Variants in CEBPZOS observed in about 807,000 individuals in gnomAD.
CEBPZOS encodes the protein protein CEBPZOS.
In CEBPZOS, 10 loss-of-function variants were observed where a neutral mutation model predicts 4.8. That is an observed-to-expected ratio of 2.07 (90% CI 1.28 to 3.52). The LOEUF (loss-of-function observed/expected upper bound fraction) is 3.52, where lower values mean the gene tolerates loss of function less well. CEBPZOS is among the 30% of genes most tolerant of loss of function. The pLI is 0.00. For synonymous variants in CEBPZOS, 25 were observed against 14.2 expected (o/e 1.77, Z -1.72); for missense variants, 98 against 43.6 (o/e 2.25, Z -3.51).
intron 4 of CEBPZOS, chr2:37,211,184 T>C (rs539364568): frequency 2.9e-6 from 2 of 688,626 alleles, no homozygotes; most frequent in South Asian, 3.9e-5. Flanking sequence ...GGTAAGGCAC[T>C]ATACTGCTAT....
At chr2:37,210,167 C>T (rs1677675508) in intron 4 of CEBPZOS, 1 of 152,144 alleles carries the variant, frequency 6.6e-6, no homozygotes, top group African/African-American at 2.4e-5. Flanking sequence ...AACACTTCTA[C>T]ATTGCTGGTG....
downstream of CEBPZOS, among the ~76,000 whole-genome samples, chr2:37,208,163 C>T (rs2160391): frequency 0.72 from 109,326 of 152,046 alleles, 39,932 homozygotes; most frequent in East Asian, 0.97. Context: ...AATAAAAAAA[C>T]TGCCAACAAA....
chr2:37,208,582 AAATC>A (rs1330079246), downstream of CEBPZOS, among the ~76,000 whole-genome samples: 1 of 152,184 alleles, frequency 6.6e-6, no homozygotes, highest in Non-Finnish European at 1.5e-5. Context: ...GCATTTGACA[AAATC>A]AAGCATCCTT....
At chr2:37,213,578 A>AT (rs1438988884) in exon 5 of CEBPZOS, 3 of 243,894 alleles carry the variant, frequency 1.2e-5, no homozygotes, top group Admixed American at 1.1e-4. Flanking sequence ...TGCCCAGCTC[A>AT]TTTTTTGGGG....
rs1225406821 is a variant in CEBPZOS, at chr2:37,203,579, G to C, written c.*1719G>C. The stretch of plus-strand genomic sequence containing the variant: ...GTAGTAGAGCCATATTTTAAAAAGA[G>C]CTTTACTAAATACAGATCATAACAT... On this transcript the variant is annotated 3_prime_UTR_variant, in exon 5 of 5. Transcript: ENST00000402297. 6.6e-6 allele frequency: 1 copy of C among 152,162 alleles called. No individual in the cohort carries two copies. The highest frequency in any genetic ancestry group is 1.5e-5 in the Non-Finnish European group (1 of 68,042). The allele number at this position is 152,162 out of a possible 1,614,324, so 9.4% of individuals were successfully genotyped here.
At chr2:37,196,925 A>G (rs1313470063) in intron 1 of CEBPZOS, among the ~76,000 whole-genome samples, 1 of 152,190 alleles carries the variant, frequency 6.6e-6, no homozygotes, top group Non-Finnish European at 1.5e-5. Flanking sequence ...CTAGGCTGGG[A>G]GAGACGTTGC....
rs560768813 is a variant in CEBPZOS, at chr2:37,201,033, C to T, written c.116-15C>T. On this transcript the variant is annotated splice_polypyrimidine_tract_variant and intron_variant, in intron 2 of 4. Transcript: ENST00000402297. ...CTGTTCATATCTAATTTCAAGACATCCTTTTTTCCATCAGATTTCAGGCAA... is the reference window on the plus strand; with the variant it reads ...CTGTTCATATCTAATTTCAAGACATTCTTTTTTCCATCAGATTTCAGGCAA... 75 of 715,088 alleles carry T rather than the reference C, an allele frequency of 1.0e-4. No homozygotes were observed. Among genetic ancestry groups the T allele is most frequent in the Admixed American group, 4.4e-4 (22 of 49,576 alleles). 44.3% of individuals were successfully genotyped at this position (715,088 alleles called of 1,614,324 possible).
chr2:37,200,060 C>G lies in CEBPZOS; in HGVS notation c.115+241C>G, dbSNP rs577269020. Among the ~76,000 whole-genome samples the G allele has an allele frequency of 4.6e-5, 7 of 152,260 alleles. No homozygotes were observed. The South Asian group carries it at 1.4e-3, about 32-fold the overall frequency. On this transcript the variant is annotated intron_variant, in intron 2 of 4. Transcript: ENST00000402297. ...AAATTTCATACCTCCATGGATTTTACTATTGTGGAGGATATAGCAAGTGTC... is the reference window on the plus strand; with the variant it reads ...AAATTTCATACCTCCATGGATTTTAGTATTGTGGAGGATATAGCAAGTGTC...
At chr2:37,214,910 G>C (rs888660493), downstream of CEBPZOS, 1 of 1,610,194 alleles carries the variant, frequency 6.2e-7, no homozygotes, top group East Asian at 2.2e-5. Flanking sequence ...TTCATCCACT[G>C]GTATTTGGCT....
At chr2:37,200,435 G>A (rs1373727225) in intron 2 of CEBPZOS, among the ~76,000 whole-genome samples, 1 of 152,106 alleles carries the variant, frequency 6.6e-6, no homozygotes, top group Non-Finnish European at 1.5e-5. Flanking sequence ...GTACCAAGAT[G>A]CTACTGGATA....
intron 1 of CEBPZOS, among the ~76,000 whole-genome samples, chr2:37,199,202 A>G (rs1438800549): frequency 6.6e-6 from 1 of 152,028 alleles, no homozygotes; most frequent in Non-Finnish European, 1.5e-5. Flanking sequence ...GGATATCTAT[A>G]CTATCTATAA....
In CEBPZOS at chr2:37,204,735, T is replaced by C. The variant is rs1677471820; in HGVS notation, c.*2875T>C. The C allele has an allele frequency of 6.6e-6, 1 of 152,218 alleles. No individual in the cohort carries two copies. 9.4% of individuals were successfully genotyped at this position (152,218 alleles called of 1,614,324 possible). Reference sequence around the variant, plus strand: ...AATCTGAATCAATTAATAAATCTGTTTAAAATTCCTTGCCTCTTTTTGTTT... The same window carrying C: ...AATCTGAATCAATTAATAAATCTGTCTAAAATTCCTTGCCTCTTTTTGTTT... On this transcript the variant is annotated 3_prime_UTR_variant, in exon 5 of 5. Transcript: ENST00000402297.
At chr2:37,212,397 CAGACA>C (rs1326311364) in intron 4 of CEBPZOS, 1 of 1,610,390 alleles carries the variant, frequency 6.2e-7, no homozygotes, top group East Asian at 2.2e-5. Flanking sequence ...ATGTGTCTGC[CAGACA>C]ATACAGAAAT....
Position 37,201,721 on chromosome 2 carries a change from T to C in CEBPZOS, c.240T>C (p.Asn80=). The change falls in exon 4 of 5, where the codon AAT becomes AAC. Residue 80 remains asparagine, a synonymous_variant. Coordinates refer to ENST00000402297, the MANE Select transcript of CEBPZOS (RefSeq NM_001322374.2). ...LDQKTWLNSK[N] is the part of the protein sequence containing the mutation. ...AAAAAACATGGTTGAACAGCAAAAATTAGATGTAAGTAGAATTTTAATCTA... is the reference window on the plus strand; with the variant it reads ...AAAAAACATGGTTGAACAGCAAAAACTAGATGTAAGTAGAATTTTAATCTA... 8.5e-7 allele frequency: 1 copy of C among 1,170,214 alleles called. No individual in the cohort carries two copies. Among genetic ancestry groups the C allele is most frequent in the Non-Finnish European group, 1.3e-6 (1 of 797,222 alleles). The allele number at this position is 1,170,214 out of a possible 1,614,324, so 72.5% of individuals were successfully genotyped here. A position where few individuals can be genotyped will look rare whatever the true frequency, so the allele number is the denominator to read the frequency against.
intron 3 of CEBPZOS, 33 bp from the exon 4 acceptor site, chr2:37,201,609 G>T: frequency 1.5e-6 from 1 of 682,916 alleles, no homozygotes; most frequent in South Asian, 1.7e-5. Flanking sequence ...GCTTCCACAT[G>T]ACTTTATAAA....
rs2148310205 is a variant in CEBPZOS at position 37,196,513 on chromosome 2, C to A, written c.-9C>A. 6.6e-6 allele frequency: 1 copy of A among 152,358 alleles called. No homozygotes were observed. The highest frequency in any genetic ancestry group is 1.5e-5 in the Non-Finnish European group (1 of 68,046). The allele number at this position is 152,358 out of a possible 1,614,324, so 9.4% of individuals were successfully genotyped here. ...GCGCATGCGCAGTCCCCCTTGAACG[C>A]ACCTCAGGTAAGACTCTGGCGAGTG... On this transcript the variant is annotated 5_prime_UTR_variant, in exon 1 of 5. Coordinates refer to ENST00000402297, the MANE Select transcript of CEBPZOS (RefSeq NM_001322374.2).
rs1191364612 is a variant in CEBPZOS, at chr2:37,203,105, G to A, written c.*1245G>A. ...ATTTTATTTTAAAAATTATACTTGG[G>A]TAAAAACAATTGCAATAATCTTCTG... On this transcript the variant is annotated 3_prime_UTR_variant, in exon 5 of 5. Coordinates refer to ENST00000402297, the MANE Select transcript of CEBPZOS (RefSeq NM_001322374.2). 14 of 791,692 alleles carry A rather than the reference G, an allele frequency of 1.8e-5. No homozygotes were observed. The highest frequency in any genetic ancestry group is 2.3e-5 in the South Asian group (1 of 42,708). 49.0% of individuals were successfully genotyped at this position (791,692 alleles called of 1,614,324 possible).
chr2:37,205,620 A>G (rs547246328), downstream of CEBPZOS, among the ~76,000 whole-genome samples: 3 of 152,306 alleles, frequency 2.0e-5, no homozygotes, highest in South Asian at 2.1e-4. Flanking sequence ...TGGTCTCTTC[A>G]TACAGACGCG....
downstream of CEBPZOS, chr2:37,215,968 A>AT: frequency 2.4e-6 from 1 of 419,594 alleles, no homozygotes; most frequent in East Asian, 3.8e-5. Context: ...AAAAAAAAAA[A>AT]GGCCCAGTCA....
Sources: gnomAD v4.1 joint callset for allele counts (sites outside exome capture counted in the v4.1 genomes callset) on GRCh38, gnomAD v4.1.1 for gene constraint, MANE v1.5 for transcripts, NCBI Gene and HGNC (gene_info 2026-07-23, HGNC 2026-07-21) for gene names.